The following RBFOX1 variants were observed in gnomAD, a reference collection of about 807,000 sequenced individuals.
RBFOX1 encodes RNA binding fox-1 homolog 1.
In RBFOX1, 8 loss-of-function variants were observed where a neutral mutation model predicts 57.7. That is an observed-to-expected ratio of 0.14 (90% CI 0.08 to 0.25). The LOEUF (loss-of-function observed/expected upper bound fraction) is 0.25, where lower values mean the gene tolerates loss of function less well. Among genes scored for constraint, RBFOX1 ranks in the 10% least tolerant of loss-of-function variants. The pLI is 1.00. For missense variants in RBFOX1, 611 were observed against 548.5 expected, an observed-to-expected ratio of 1.11 and a Z score of -1.14; for synonymous variants, 326 against 222.4, an observed-to-expected ratio of 1.47 and a Z score of -4.15.
intron 3 of RBFOX1, among the ~76,000 whole-genome samples, chr16:5,723,192 C>T (rs1361894891): frequency 1.3e-5 from 2 of 152,214 alleles, no homozygotes; most frequent in African/African-American, 4.8e-5. Context: ...GGGAGAATCA[C>T]AACGGGATCC....
chr16:5,809,308 C>T (rs2055338739), intron 3 of RBFOX1, among the ~76,000 whole-genome samples: 1 of 152,092 alleles, frequency 6.6e-6, no homozygotes, highest in South Asian at 2.1e-4. Context: ...GCAACAAAAG[C>T]CAAAATTGAC....
chr16:7,245,790 G>C (rs1402915629), intron 4 of RBFOX1, among the ~76,000 whole-genome samples: 1 of 152,126 alleles, frequency 6.6e-6, no homozygotes, highest in Non-Finnish European at 1.5e-5. Context: ...CATCAGTCTT[G>C]CATAGTGCTT....
At chr16:5,259,616 G>A (rs1359377416) in intron 1 of RBFOX1, among the ~76,000 whole-genome samples, 2 of 152,210 alleles carry the variant, frequency 1.3e-5, no homozygotes, top group Non-Finnish European at 2.9e-5. Flanking sequence ...AGGCCAGCGT[G>A]TGTTGGTAAG....
At chr16:6,996,178 G>A (rs1250091361) in intron 3 of RBFOX1, among the ~76,000 whole-genome samples, 2 of 152,148 alleles carry the variant, frequency 1.3e-5, no homozygotes, top group South Asian at 2.1e-4. Context: ...GGCAGTTCCC[G>A]ATAAATCATT....
chr16:7,356,189 G>C (rs1414332674), intron 4 of RBFOX1, among the ~76,000 whole-genome samples: 1 of 152,200 alleles, frequency 6.6e-6, no homozygotes, highest in Admixed American at 6.5e-5. Flanking sequence ...GCTAGGCAGA[G>C]TTCTAGGCAC....
chr16:6,756,305 C>T (rs537536110), intron 3 of RBFOX1, among the ~76,000 whole-genome samples: 2 of 151,936 alleles, frequency 1.3e-5, no homozygotes, highest in East Asian at 1.9e-4. Flanking sequence ...TATTTCTTAC[C>T]GTATACAAAA....
intron 1 of RBFOX1, among the ~76,000 whole-genome samples, chr16:5,402,598 A>G (rs550863171): frequency 6.6e-6 from 1 of 152,324 alleles, no homozygotes; most frequent in African/African-American, 2.4e-5. Flanking sequence ...TCCCTTGGGA[A>G]TTCCAAGTAT....
intron 4 of RBFOX1, among the ~76,000 whole-genome samples, chr16:7,405,967 C>T (rs760463985): frequency 6.6e-5 from 10 of 152,046 alleles, no homozygotes; most frequent in Admixed American, 1.3e-4. Context: ...CAACTGACAT[C>T]GAGTAGGTAG....
chr16:7,473,046 T>C (rs1282366002), intron 4 of RBFOX1, among the ~76,000 whole-genome samples: 1 of 152,148 alleles, frequency 6.6e-6, no homozygotes, highest in Non-Finnish European at 1.5e-5. Context: ...AGAATGTCTC[T>C]GTCCAAGGGT....
chr16:6,441,815 A>G (rs758999501), intron 2 of RBFOX1, among the ~76,000 whole-genome samples: 6 of 152,138 alleles, frequency 3.9e-5, no homozygotes, highest in Non-Finnish European at 7.3e-5. Flanking sequence ...AGAGAGATGG[A>G]CTAAACACTC....
At chr16:6,543,719 A>G (rs1034653060) in intron 2 of RBFOX1, among the ~76,000 whole-genome samples, 1 of 152,094 alleles carries the variant, frequency 6.6e-6, no homozygotes, top group Non-Finnish European at 1.5e-5. Context: ...TCTTTCCCCG[A>G]GGTTCACACC....
At chr16:5,679,655 C>T (rs991319250) in intron 3 of RBFOX1, among the ~76,000 whole-genome samples, 2 of 152,204 alleles carry the variant, frequency 1.3e-5, no homozygotes, top group Admixed American at 6.5e-5. Flanking sequence ...ACCATCAATT[C>T]TCTTTCATGA....
chr16:5,755,701 C>A (rs1480537579), intron 3 of RBFOX1, among the ~76,000 whole-genome samples: 1 of 152,190 alleles, frequency 6.6e-6, no homozygotes, highest in Non-Finnish European at 1.5e-5. Context: ...CAGGTTCAAG[C>A]GATTCTCCTG....
chr16:6,986,671 C>G (rs2090356310), intron 3 of RBFOX1, among the ~76,000 whole-genome samples: 1 of 152,128 alleles, frequency 6.6e-6, no homozygotes, highest in South Asian at 2.1e-4. Context: ...TTCCCTTCCT[C>G]TCCCTCCCCT....
chr16:6,584,321 A>G (rs1337467252), intron 2 of RBFOX1, among the ~76,000 whole-genome samples: 1 of 147,852 alleles, frequency 6.8e-6, no homozygotes, highest in African/African-American at 2.5e-5. Flanking sequence ...AGAACAGCAG[A>G]AAAGTTGTGT....
At chr16:5,709,359 A>G (rs536362572) in intron 3 of RBFOX1, among the ~76,000 whole-genome samples, 22 of 152,224 alleles carry the variant, frequency 1.4e-4, no homozygotes, top group African/African-American at 5.3e-4. Context: ...ATCAGTGAGC[A>G]TGTGCCTGAA....
chr16:6,541,684 C>G (rs2096821928), intron 2 of RBFOX1, among the ~76,000 whole-genome samples: 1 of 152,172 alleles, frequency 6.6e-6, no homozygotes, highest in Non-Finnish European at 1.5e-5. Context: ...AATATCAATT[C>G]TGGGCAAATG....
At chr16:6,020,116 G>T in intron 1 of RBFOX1, 124 bp downstream of exon 1, 7 of 1,147,492 alleles carry the variant, frequency 6.1e-6, no homozygotes, top group East Asian at 3.0e-5. Flanking sequence ...CAGTCTGGGC[G>T]CTCTGGACGG....
intron 1 of RBFOX1, among the ~76,000 whole-genome samples, chr16:5,455,021 T>TTCTC (rs1217706493): frequency 3.2e-4 from 36 of 113,160 alleles, no homozygotes; most frequent in East Asian, 1.4e-3. Flanking sequence ...CTTTCTTTCT[T>TTCTC]TCTCTCTCTC....
Sources: gnomAD v4.1 joint callset for allele counts (sites outside exome capture counted in the v4.1 genomes callset) on GRCh38, gnomAD v4.1.1 for gene constraint, MANE v1.5 for transcripts, NCBI Gene and HGNC (gene_info 2026-07-23, HGNC 2026-07-21) for gene names.